Variants in FRMD4A observed in about 807,000 individuals in gnomAD.
FRMD4A encodes FERM domain containing 4A, also known as FERM domain-containing protein 4A.
A neutral mutation model predicts 129.1 loss-of-function variants in FRMD4A; 29 were observed. The ratio of observed to expected loss-of-function variants is 0.22; its 90% CI spans 0.17 to 0.31. The LOEUF is 0.31. FRMD4A is among the 10% of genes least tolerant of loss of function. The pLI, the probability that FRMD4A is intolerant of heterozygous loss-of-function variation, is 1.00. For missense variants in FRMD4A, 1,272 were observed against 1,375.8 expected, an observed-to-expected ratio of 0.92 and a Z score of 1.19; for synonymous variants, 634 against 571.6, an observed-to-expected ratio of 1.11 and a Z score of -1.56.
intron 1 of FRMD4A, among the ~76,000 whole-genome samples, 185 bp downstream of exon 1, chr10:14,330,412 A>G (rs142309433): frequency 6.6e-6 from 1 of 152,280 alleles, no homozygotes; most frequent in African/African-American, 2.4e-5. Flanking sequence ...CATCAAACAC[A>G]AACGTGAAAG....
At chr10:14,211,166 G>A (rs1408675695) in intron 2 of FRMD4A, among the ~76,000 whole-genome samples, 1 of 152,172 alleles carries the variant, frequency 6.6e-6, no homozygotes, top group Non-Finnish European at 1.5e-5. Flanking sequence ...TATAATGTTT[G>A]AGAATATAAA....
chr10:14,136,530 G>A (rs577351100), intron 2 of FRMD4A, among the ~76,000 whole-genome samples: 1 of 152,178 alleles, frequency 6.6e-6, no homozygotes, highest in Non-Finnish European at 1.5e-5. Context: ...TGAGGCATAA[G>A]TGACTATTCC....
intron 6 of FRMD4A, among the ~76,000 whole-genome samples, chr10:13,774,789 G>A (rs1011325747): frequency 7.2e-5 from 11 of 151,914 alleles, no homozygotes; most frequent in Admixed American, 5.9e-4. Context: ...AGGAAAGAGA[G>A]ACCAACACAA....
chr10:13,961,474 A>G (rs1006862345), intron 2 of FRMD4A, among the ~76,000 whole-genome samples: 1 of 152,226 alleles, frequency 6.6e-6, no homozygotes, highest in Admixed American at 6.5e-5. Context: ...ATCATTGTAA[A>G]TGATTTTAAA....
intron 2 of FRMD4A, among the ~76,000 whole-genome samples, chr10:14,060,030 T>C (rs1834730579): frequency 6.6e-6 from 1 of 152,238 alleles, no homozygotes; most frequent in Non-Finnish European, 1.5e-5. Flanking sequence ...ACTCATGCAG[T>C]CTAGTTCCAC....
chr10:14,197,219 T>G (rs11816936), intron 2 of FRMD4A, among the ~76,000 whole-genome samples: 5 of 152,254 alleles, frequency 3.3e-5, no homozygotes, highest in African/African-American at 1.2e-4. Context: ...TTATACAATT[T>G]TATACAGGCA....
rs567498824 is a variant in FRMD4A, at chr10:14,162,924, C to T, written c.45+167134G>A. On this transcript the variant is annotated intron_variant, in intron 2 of 24. Coordinates refer to ENST00000357447, the MANE Select transcript of FRMD4A (RefSeq NM_018027.5). The stretch of plus-strand genomic sequence containing the variant: ...AAGCCTGTGTGGTAATATGTAAATC[C>T]TGCTCCATTCCTTCCACACACACCG... Among the ~76,000 whole-genome samples, 10 of 152,158 alleles carry T rather than the reference C, an allele frequency of 6.6e-5. No homozygotes were observed. The South Asian group carries it at 2.1e-3, about 32-fold the overall frequency.
At chr10:14,031,897 G>A (rs181538484) in intron 2 of FRMD4A, among the ~76,000 whole-genome samples, 1 of 150,928 alleles carries the variant, frequency 6.6e-6, no homozygotes, top group East Asian at 1.9e-4. Flanking sequence ...TTCCCCCATT[G>A]CCTTTCCCAT....
intron 5 of FRMD4A, among the ~76,000 whole-genome samples, chr10:13,788,610 G>A (rs2092923021): frequency 6.6e-6 from 1 of 152,084 alleles, no homozygotes; most frequent in South Asian, 2.1e-4. Context: ...TGAATCTTAG[G>A]GCATCTATTT....
chr10:14,254,556 T>C (rs1844545320), intron 2 of FRMD4A, among the ~76,000 whole-genome samples: 2 of 152,092 alleles, frequency 1.3e-5, no homozygotes, highest in Non-Finnish European at 2.9e-5. Flanking sequence ...TCACATGTTT[T>C]CCTGTGGATA....
intron 5 of FRMD4A, among the ~76,000 whole-genome samples, chr10:13,793,312 C>T (rs545290000): frequency 6.6e-6 from 1 of 152,168 alleles, no homozygotes; most frequent in African/African-American, 2.4e-5. Context: ...GCTGGGATTA[C>T]AGGCATGCAC....
intron 2 of FRMD4A, among the ~76,000 whole-genome samples, chr10:14,096,525 T>C (rs1836971574): frequency 6.6e-6 from 1 of 152,232 alleles, no homozygotes; most frequent in Admixed American, 6.5e-5. Context: ...TAGGCAACTT[T>C]GGGGCAAATA....
chr10:14,162,298 T>G (rs1402312611), intron 2 of FRMD4A, among the ~76,000 whole-genome samples: 1 of 152,166 alleles, frequency 6.6e-6, no homozygotes, highest in African/African-American at 2.4e-5. Flanking sequence ...CTGGGATGTG[T>G]CTACTTCTGG....
At chr10:14,266,675 C>T (rs997829480) in intron 2 of FRMD4A, among the ~76,000 whole-genome samples, 4 of 152,146 alleles carry the variant, frequency 2.6e-5, no homozygotes, top group Non-Finnish European at 4.4e-5. Context: ...GAGAAAAAAT[C>T]ATGTTTTTAT....
In FRMD4A at chr10:14,299,557, G is replaced by T. The variant is rs190589595; in HGVS notation, c.45+30501C>A. Among the ~76,000 whole-genome samples the T allele has an allele frequency of 2.1e-4, 32 of 152,258 alleles. 1 individual carries two copies. The East Asian group carries it at 5.8e-3, about 28-fold the overall frequency. ...AATTTGTCTGTTGTCAACAAACGTG[G>T]GAGCCAGAATGTAAATTGAGCATCA... On this transcript the variant is annotated intron_variant, in intron 2 of 24. Transcript: ENST00000357447.
Position 13,794,341 on chromosome 10 carries a change from G to A in FRMD4A, c.299+2155C>T, listed in dbSNP as rs140065508. On this transcript the variant is annotated intron_variant, in intron 5 of 24. Transcript: ENST00000357447. The stretch of plus-strand genomic sequence containing the variant: ...TGGGAGGTGGAGGTCGCAGTGAGCC[G>A]AGATCATGCCATTACACTCCAGCCT... Among the ~76,000 whole-genome samples, 456 of 138,770 alleles carry A rather than the reference G, an allele frequency of 3.3e-3. 5 individuals are homozygous for A. Among genetic ancestry groups the A allele is most frequent in the African/African-American group, 0.012 (436 of 36,496 alleles). The allele number at this position is 138,770 out of a possible 152,430, so 91.0% of individuals were successfully genotyped here. A position where few individuals can be genotyped will look rare whatever the true frequency, so the allele number is the denominator to read the frequency against.
At chr10:14,225,639 C>G (rs1413069209) in intron 2 of FRMD4A, among the ~76,000 whole-genome samples, 1 of 152,204 alleles carries the variant, frequency 6.6e-6, no homozygotes, top group East Asian at 1.9e-4. Context: ...AGGAACACAT[C>G]AGGCTATTGC....
chr10:14,037,306 C>T (rs1398661386), intron 2 of FRMD4A, among the ~76,000 whole-genome samples: 1 of 152,188 alleles, frequency 6.6e-6, no homozygotes, highest in Non-Finnish European at 1.5e-5. Flanking sequence ...TACACTCTGC[C>T]TCCAGGGCTC....
chr10:13,915,899 A>T (rs1030585789), intron 2 of FRMD4A, among the ~76,000 whole-genome samples: 1 of 152,082 alleles, frequency 6.6e-6, no homozygotes, highest in Non-Finnish European at 1.5e-5. Context: ...TGGCTCTTGG[A>T]GTCAGGGACC....
Sources: allele counts gnomAD v4.1 joint callset (sites outside exome capture counted in the v4.1 genomes callset), GRCh38; gene constraint gnomAD v4.1.1; transcripts MANE v1.5; gene names NCBI Gene and HGNC (gene_info 2026-07-23, HGNC 2026-07-21).